The following MIGA1 variants were observed in gnomAD, a reference collection of about 807,000 sequenced individuals.
MIGA1 encodes the protein mitoguardin 1, also known as family with sequence similarity 73, member A.
A neutral mutation model predicts 82.0 loss-of-function variants in MIGA1; 58 were observed. The ratio of observed to expected loss-of-function variants is 0.71; its 90% CI spans 0.57 to 0.88. MIGA1 has a LOEUF of 0.88. Among genes scored for constraint, MIGA1 ranks in the 40% least tolerant of loss-of-function variants. The probability of loss-of-function intolerance (pLI) is 0.00; values close to 1 mark genes in which losing one functional copy is unlikely to be tolerated. For missense variants in MIGA1, 751 were observed against 749.1 expected, an observed-to-expected ratio of 1.00 and a Z score of -0.03; for synonymous variants, 249 against 253.6, an observed-to-expected ratio of 0.98 and a Z score of 0.17.
At chr1:77,830,350 A>C (rs573533881) in intron 7 of MIGA1, among the ~76,000 whole-genome samples, 2 of 152,208 alleles carry the variant, frequency 1.3e-5, no homozygotes, top group South Asian at 4.1e-4. Flanking sequence ...TTGTCATTAT[A>C]AGTGGTTATC....
At chr1:77,791,404 A>G (rs1682418193) in intron 2 of MIGA1, among the ~76,000 whole-genome samples, 1 of 152,004 alleles carries the variant, frequency 6.6e-6, no homozygotes, top group Non-Finnish European at 1.5e-5. Context: ...TTTGTACTCC[A>G]TGGTATGTAT....
intron 9 of MIGA1, 117 bp downstream of exon 9, chr1:77,859,173 A>AG: frequency 9.9e-7 from 1 of 1,007,662 alleles, no homozygotes. Flanking sequence ...TAAAGAAAAA[A>AG]TTATTTTTAC....
chr1:77,852,752 A>G (rs1469478652), intron 8 of MIGA1, among the ~76,000 whole-genome samples: 1 of 152,158 alleles, frequency 6.6e-6, no homozygotes, highest in African/African-American at 2.4e-5. Context: ...GTGCAGTGGT[A>G]CGATCTTGGC....
In MIGA1 at chr1:77,877,295, AT is replaced by A. The variant is rs558325551; in HGVS notation, c.*2233del. On this transcript the variant is annotated 3_prime_UTR_variant, in exon 16 of 16. Coordinates refer to ENST00000370791, the MANE Select transcript of MIGA1 (RefSeq NM_198549.4). ...ATGTAAATTAACTATAAAATATGGAATTCAGGATCATGCTGTTTTGCATGTA... is the reference window on the plus strand; with the variant it reads ...ATGTAAATTAACTATAAAATATGGAATCAGGATCATGCTGTTTTGCATGTA... The A allele has an allele frequency of 4.6e-5, 7 of 152,240 alleles. No individual in the cohort carries two copies. Among genetic ancestry groups the A allele is most frequent in the Admixed American group, 6.5e-5 (1 of 15,280 alleles). 9.4% of individuals were successfully genotyped at this position (152,240 alleles called of 1,614,324 possible). A position where few individuals can be genotyped will look rare whatever the true frequency, so the allele number is the denominator to read the frequency against.
intron 8 of MIGA1, among the ~76,000 whole-genome samples, chr1:77,851,320 G>A (rs1464280397): frequency 6.6e-6 from 1 of 151,174 alleles, no homozygotes; most frequent in Non-Finnish European, 1.5e-5. Flanking sequence ...TAGCCTTTTG[G>A]GAGAAGAATA....
chr1:77,805,117 C>T (rs190217034), intron 4 of MIGA1, among the ~76,000 whole-genome samples: 1 of 151,936 alleles, frequency 6.6e-6, no homozygotes, highest in East Asian at 1.9e-4. Context: ...GGCTCAGCCT[C>T]CCGAGTAGCT....
At chr1:77,818,201 G>A (rs1003461691) in intron 7 of MIGA1, among the ~76,000 whole-genome samples, 2 of 149,604 alleles carry the variant, frequency 1.3e-5, no homozygotes, top group Admixed American at 6.7e-5. Context: ...TCGGCTCACC[G>A]CAACCTCCGC....
At chr1:77,873,211 A>G in intron 15 of MIGA1, 91 bp downstream of exon 15, 6 of 1,264,298 alleles carry the variant, frequency 4.7e-6, no homozygotes, top group South Asian at 1.3e-5. Flanking sequence ...TTGTAGAAGA[A>G]CAAATGTTAT....
At chr1:77,809,682 A>C (rs1291491081) in intron 5 of MIGA1, among the ~76,000 whole-genome samples, 3 of 152,190 alleles carry the variant, frequency 2.0e-5, no homozygotes, top group Non-Finnish European at 4.4e-5. Context: ...GAAAAGGATG[A>C]AGAAATTAGA....
In MIGA1 at chr1:77,807,007, T is replaced by G; in HGVS notation, c.543T>G (p.Ala181=). The change falls in exon 5 of 16, where the codon GCT becomes GCG. Residue 181 remains alanine, a synonymous_variant. Coordinates refer to ENST00000370791, the MANE Select transcript of MIGA1 (RefSeq NM_198549.4). The stretch of plus-strand genomic sequence containing the variant: ...GTGTCAATTCTTGTCATAGCTGCGC[T>G]TGTGGCAATTCTAATTCCTGGGACA... 3 of 1,612,328 alleles carry G rather than the reference T, an allele frequency of 1.9e-6. No individual in the cohort carries two copies. In the African/African-American group the frequency reaches 4.0e-5, roughly 21 times the overall value.
intron 8 of MIGA1, chr1:77,848,058 A>C: frequency 7.7e-7 from 1 of 1,292,540 alleles, no homozygotes; most frequent in Non-Finnish European, 1.1e-6. Context: ...AGGATCACGA[A>C]CATCGAGAGG....
chr1:77,827,310 C>CA (rs1684067945), intron 7 of MIGA1, among the ~76,000 whole-genome samples: 1 of 151,818 alleles, frequency 6.6e-6, no homozygotes, highest in Admixed American at 6.6e-5. Context: ...CCTTTCCCCT[C>CA]AAAAAAATTC....
chr1:77,864,663 T>C (rs1685596360), intron 13 of MIGA1, among the ~76,000 whole-genome samples: 1 of 151,962 alleles, frequency 6.6e-6, no homozygotes, highest in Non-Finnish European at 1.5e-5. Context: ...ACAACAAGAG[T>C]GCAACTCTAT....
intron 5 of MIGA1, among the ~76,000 whole-genome samples, chr1:77,808,203 G>A (rs1305551626): frequency 2.7e-5 from 4 of 146,170 alleles, no homozygotes; most frequent in African/African-American, 1.0e-4. Context: ...AGTTACATAT[G>A]TATACATGTG....
chr1:77,808,289 A>C (rs959492875), intron 5 of MIGA1, among the ~76,000 whole-genome samples: 1 of 152,076 alleles, frequency 6.6e-6, no homozygotes, highest in South Asian at 2.1e-4. Context: ...CTGTGTTGGG[A>C]TTCTTAATTA....
At chr1:77,782,980 C>A in intron 1 of MIGA1, 1 of 600,244 alleles carries the variant, frequency 1.7e-6, no homozygotes, top group Non-Finnish European at 2.1e-6. Flanking sequence ...AAATTTGCTA[C>A]CCGGACTCAA....
intron 2 of MIGA1, among the ~76,000 whole-genome samples, chr1:77,791,022 T>A (rs1344265104): frequency 6.6e-6 from 1 of 152,066 alleles, no homozygotes; most frequent in Non-Finnish European, 1.5e-5. Flanking sequence ...GCAGGAGGAT[T>A]GCTTGAGACC....
At chr1:77,848,381 G>A (rs541622281) in intron 8 of MIGA1, 2 of 1,080,202 alleles carry the variant, frequency 1.9e-6, no homozygotes, top group African/African-American at 1.6e-5. Context: ...GCAAAGCAAA[G>A]GAAGAGCGTA....
At chr1:77,827,246 T>C (rs1416393810) in intron 7 of MIGA1, among the ~76,000 whole-genome samples, 2 of 151,776 alleles carry the variant, frequency 1.3e-5, no homozygotes, top group Non-Finnish European at 2.9e-5. Flanking sequence ...TGACCTAAAC[T>C]TTTTTTCTTA....
Sources: gnomAD v4.1 joint callset for allele counts (sites outside exome capture counted in the v4.1 genomes callset) on GRCh38, gnomAD v4.1.1 for gene constraint, MANE v1.5 for transcripts, NCBI Gene and HGNC (gene_info 2026-07-23, HGNC 2026-07-21) for gene names.